The following FAM3C variants were observed in gnomAD, a reference collection of about 807,000 sequenced individuals.
FAM3C encodes FAM3 metabolism regulating signaling molecule C.
Under a neutral mutation model 32.5 loss-of-function variants are expected in FAM3C, and 15 were observed. The observed-to-expected ratio is 0.46, with a 90% confidence interval of 0.31 to 0.71. The LOEUF (loss-of-function observed/expected upper bound fraction) is 0.71, where lower values mean the gene tolerates loss of function less well. FAM3C is among the 30% of genes least tolerant of loss of function. The pLI, the probability that FAM3C is intolerant of heterozygous loss-of-function variation, is 0.05. For missense variants in FAM3C, 175 were observed against 274.4 expected (o/e 0.64, Z 2.56); for synonymous variants, 75 against 86.1 (o/e 0.87, Z 0.72).
At chr7:121,369,015 G>A (rs1225353691) in intron 5 of FAM3C, among the ~76,000 whole-genome samples, 8 of 124,720 alleles carry the variant, frequency 6.4e-5, no homozygotes, top group Non-Finnish European at 3.2e-5. Context: ...TCGCTCTGCC[G>A]CCCACCCAGG....
intron 1 of FAM3C, among the ~76,000 whole-genome samples, chr7:121,383,656 T>A (rs186295674): frequency 2.0e-5 from 3 of 152,284 alleles, no homozygotes; most frequent in Non-Finnish European, 4.4e-5. Context: ...ATCAAATGGA[T>A]CAACTGTTCT....
chr7:121,394,857 T>C (rs1794653605), intron 1 of FAM3C, among the ~76,000 whole-genome samples: 1 of 152,238 alleles, frequency 6.6e-6, no homozygotes. Flanking sequence ...AGTGATTAAC[T>C]TTTATTTTCT....
At chr7:121,390,848 TGGGGCGGG>T (rs1794559564) in intron 1 of FAM3C, among the ~76,000 whole-genome samples, 1 of 1,506 alleles carries the variant, frequency 6.6e-4, no homozygotes, top group African/African-American at 1.9e-3. Context: ...AAAGGCTGTG[TGGGGCGGG>T]GGGGGGGGGG....
intron 5 of FAM3C, among the ~76,000 whole-genome samples, chr7:121,369,443 G>A (rs1794097836): frequency 6.6e-6 from 1 of 152,156 alleles, no homozygotes; most frequent in Non-Finnish European, 1.5e-5. Flanking sequence ...TTAACCTGAG[G>A]CTTGGGTATA....
chr7:121,392,627 T>G (rs1794600394), intron 1 of FAM3C, among the ~76,000 whole-genome samples: 1 of 152,208 alleles, frequency 6.6e-6, no homozygotes, highest in Non-Finnish European at 1.5e-5. Context: ...AAAACTCATT[T>G]AACAATCACT....
intron 6 of FAM3C, among the ~76,000 whole-genome samples, chr7:121,363,321 T>C (rs894460311): frequency 6.6e-6 from 1 of 152,152 alleles, no homozygotes; most frequent in Admixed American, 6.6e-5. Context: ...AAAAGAAGTA[T>C]CTCCTTGAAT....
At chr7:121,368,002 A>G (rs895741743) in intron 5 of FAM3C, among the ~76,000 whole-genome samples, 1 of 148,808 alleles carries the variant, frequency 6.7e-6, no homozygotes, top group African/African-American at 2.5e-5. Flanking sequence ...AAAGTAAAGG[A>G]AAAAAAAAAG....
intron 2 of FAM3C, among the ~76,000 whole-genome samples, chr7:121,382,064 A>C (rs1262785014): frequency 6.6e-6 from 1 of 152,166 alleles, no homozygotes; most frequent in Non-Finnish European, 1.5e-5. Context: ...GAGAAATTAC[A>C]AGTTACCTAT....
At chr7:121,361,620 A>G (rs562081004) in intron 7 of FAM3C, among the ~76,000 whole-genome samples, 1 of 152,350 alleles carries the variant, frequency 6.6e-6, no homozygotes, top group African/African-American at 2.4e-5. Context: ...AAGTTTATAC[A>G]GCTTTGACAG....
intron 4 of FAM3C, 68 bp from the exon 5 acceptor site, chr7:121,371,491 CA>C: frequency 6.7e-7 from 1 of 1,497,328 alleles, no homozygotes. Flanking sequence ...CACTTTACTT[CA>C]AATCTCAAAC....
rs564497493 is a variant in FAM3C, at chr7:121,357,729, C to T, written c.467+2314G>A. Reference sequence around the variant, plus strand: ...TAAAGAAATTAAAGTTTAGATTTTTCCTTTTGCCCTAGAGGTTGAACTCTC... The same window carrying T: ...TAAAGAAATTAAAGTTTAGATTTTTTCTTTTGCCCTAGAGGTTGAACTCTC... On this transcript the variant is annotated intron_variant, in intron 8 of 9. Transcript: ENST00000359943. Among the ~76,000 whole-genome samples the T allele has an allele frequency of 2.7e-3, 414 of 152,202 alleles. 6 individuals carry two copies. In the Middle Eastern group the frequency reaches 0.027, roughly 10 times the overall value.
intron 1 of FAM3C, among the ~76,000 whole-genome samples, chr7:121,383,447 C>A (rs1227689486): frequency 6.6e-6 from 1 of 152,144 alleles, no homozygotes; most frequent in East Asian, 1.9e-4. Flanking sequence ...CACTCCAGTA[C>A]ATGATGCCAC....
At chr7:121,364,252 TAA>T (rs1793980850) in intron 5 of FAM3C, 64 bp from the exon 6 acceptor site, 26 of 1,105,944 alleles carry the variant, frequency 2.4e-5, no homozygotes, top group Non-Finnish European at 3.5e-5. Flanking sequence ...ATCAGAAAAA[TAA>T]AGTCTTGCAA....
intron 7 of FAM3C, chr7:121,362,649 A>T (rs1010410962): frequency 3.8e-5 from 16 of 426,576 alleles, no homozygotes; most frequent in Admixed American, 4.7e-5. Flanking sequence ...GACTTTTTTT[A>T]AAAAAATCTC....
intron 8 of FAM3C, among the ~76,000 whole-genome samples, chr7:121,355,805 G>A (rs576713688): frequency 2.6e-5 from 4 of 152,280 alleles, no homozygotes; most frequent in Admixed American, 6.5e-5. Flanking sequence ...GTGGCACACC[G>A]CCCTTGGTAA....
chr7:121,358,475 AG>A (rs1435377764), intron 8 of FAM3C, among the ~76,000 whole-genome samples: 3 of 152,068 alleles, frequency 2.0e-5, no homozygotes, highest in African/African-American at 4.8e-5. Flanking sequence ...AGAACATTAA[AG>A]GGGATTTAAT....
rs560190620 is a variant in FAM3C, at chr7:121,374,389, ATG to A, written c.119-2252_119-2251del. 3.0e-3 allele frequency among the ~76,000 whole-genome samples: 461 copies of A among 152,332 alleles called. 3 individuals are homozygous for A. Among genetic ancestry groups the A allele is most frequent in the African/African-American group, 0.01 (418 of 41,570 alleles). ...AAATTTTCATTCTTCCTTTCTAGAA[ATG>A]TGTTTTATTTTTCTAAAATAATACC... is the stretch of plus-strand genomic sequence containing the variant. On this transcript the variant is annotated intron_variant, in intron 3 of 9. Coordinates refer to ENST00000359943, the MANE Select transcript of FAM3C (RefSeq NM_014888.3).
chr7:121,367,962 T>C (rs1446594185), intron 5 of FAM3C, among the ~76,000 whole-genome samples: 1 of 151,148 alleles, frequency 6.6e-6, no homozygotes, highest in African/African-American at 2.4e-5. Context: ...TGAGACCCTG[T>C]CTCTAGGTAA....
In FAM3C at chr7:121,372,142, GAA is replaced by G. The variant is rs57878748; in HGVS notation, c.119-5_119-4del. 20 of 1,332,418 alleles carry G rather than the reference GAA, an allele frequency of 1.5e-5. No individual in the cohort carries two copies. The highest frequency in any genetic ancestry group is 5.8e-5 in the African/African-American group (4 of 68,626). The allele number at this position is 1,332,418 out of a possible 1,614,324, so 82.5% of individuals were successfully genotyped here. On this transcript the variant is annotated splice_region_variant and splice_polypyrimidine_tract_variant and intron_variant, in intron 3 of 9. Coordinates refer to ENST00000359943, the MANE Select transcript of FAM3C (RefSeq NM_014888.3). The stretch of plus-strand genomic sequence containing the variant: ...AGCTGTGTCCAATGCTGATCTTGCT[GAA>G]AAAAAAAAATTACTTTTGTTAGAAG...
Sources: allele counts gnomAD v4.1 joint callset (sites outside exome capture counted in the v4.1 genomes callset), GRCh38; gene constraint gnomAD v4.1.1; transcripts MANE v1.5; gene names NCBI Gene and HGNC (gene_info 2026-07-23, HGNC 2026-07-21).